The following ESYT2 variants were observed in gnomAD, a reference collection of about 807,000 sequenced individuals.
The protein encoded by ESYT2 is extended synaptotagmin-2.
Under a neutral mutation model 107.2 loss-of-function variants are expected in ESYT2, and 54 were observed. The observed-to-expected ratio is 0.50, with a 90% confidence interval of 0.40 to 0.63. The LOEUF (loss-of-function observed/expected upper bound fraction) is 0.63. Among genes scored for constraint, ESYT2 ranks in the 30% least tolerant of loss-of-function variants. The pLI is 0.00. For missense variants in ESYT2, 1,020 were observed against 1,094.5 expected (o/e 0.93, Z 0.96); for synonymous variants, 491 against 434.1 (o/e 1.13, Z -1.63).
At chr7:158,825,784 A>C (rs1563044735) in intron 1 of ESYT2, among the ~76,000 whole-genome samples, 3 of 152,208 alleles carry the variant, frequency 2.0e-5, no homozygotes, top group Admixed American at 2.0e-4. Context: ...ACACTATGAA[A>C]ACAAGTACAG....
At chr7:158,814,366 G>T (rs1340825316) in intron 1 of ESYT2, among the ~76,000 whole-genome samples, 4 of 128,948 alleles carry the variant, frequency 3.1e-5, no homozygotes, top group East Asian at 2.7e-4. Context: ...TACCTTACTC[G>T]TCCAGATGAC....
Position 158,743,643 on chromosome 7 carries a change from G to A in ESYT2, c.1680C>T (p.Asn560=), listed in dbSNP as rs2305474. 0.09 allele frequency: 144,985 copies of A among 1,606,088 alleles called. 13,330 individuals are homozygous for A. The highest frequency in any genetic ancestry group is 0.52 in the East Asian group (23,046 of 44,470). Residue 560 remains asparagine (N), a synonymous_variant, in exon 17 of 23, where the codon AAC becomes AAT. Transcript: ENST00000275418. ...RDEQHQCSLG[N]LKVPLSQLLT... ...GCAGCTGGCTGAGGGGGACCTTCAG[G>A]TTCCCCAGGGAACACTGGTGCTGCT...
chr7:158,799,439 T>C (rs1839567221), intron 1 of ESYT2, among the ~76,000 whole-genome samples: 1 of 152,218 alleles, frequency 6.6e-6, no homozygotes, highest in South Asian at 2.1e-4. Flanking sequence ...ATTATCATCA[T>C]GTCCTGGCAA....
chr7:158,800,566 T>G (rs2788499), intron 1 of ESYT2, among the ~76,000 whole-genome samples: 1 of 152,122 alleles, frequency 6.6e-6, no homozygotes, highest in African/African-American at 2.4e-5. Flanking sequence ...AATTTTTAAA[T>G]TTTTTTAGAG....
At position 158,793,742 on chromosome 7, in the gene ESYT2, G is replaced by A. The variant is rs2129473426; in HGVS notation, c.508-16C>T. ...TCCTGAGGGGCTGAAATAAGAAGTA[G>A]CTTATTTTAAGATACAGAGGTTAAA... On this transcript the variant is annotated splice_polypyrimidine_tract_variant and intron_variant, in intron 3 of 22. Transcript: ENST00000275418. 6.3e-7 allele frequency: 1 copy of A among 1,599,206 alleles called. No individual in the cohort carries two copies. Among genetic ancestry groups the A allele is most frequent in the East Asian group, 2.2e-5 (1 of 44,794 alleles).
intron 6 of ESYT2, among the ~76,000 whole-genome samples, chr7:158,782,485 G>GTGTAAGAACGAGAACAAGTGAGTGAACGA (rs1563651214): frequency 7.0e-6 from 1 of 142,432 alleles, no homozygotes; most frequent in African/African-American, 2.5e-5. Context: ...AACAGTGAGA[G>GTGTAAGAACGAGAACAAGTGAGTGAACGA]GTGTGTGTGA....
intron 6 of ESYT2, among the ~76,000 whole-genome samples, chr7:158,779,178 A>G (rs1459617645): frequency 6.6e-6 from 1 of 152,242 alleles, no homozygotes; most frequent in Admixed American, 6.5e-5. Context: ...AAAAGATCAA[A>G]GGCATCAAAC....
At position 158,741,930 on chromosome 7, in the gene ESYT2, G is replaced by A. The variant is rs746782740; in HGVS notation, c.1795-34C>T. 3.2e-6 allele frequency: 5 copies of A among 1,539,488 alleles called. No individual in the cohort carries two copies. The South Asian group carries it at 5.1e-5, about 16-fold the overall frequency. ...GGACATAAACATAAAAATTAAACTT[G>A]GTGACACTGGTAACATCCTAATACT... On this transcript the variant is annotated intron_variant, in intron 17 of 22. Coordinates refer to ENST00000275418, the MANE Select transcript of ESYT2 (RefSeq NM_001367773.1).
Position 158,788,170 on chromosome 7 carries a change from G to C in ESYT2, c.658-77C>G, listed in dbSNP as rs142005653. 138 of 1,308,406 alleles carry C rather than the reference G, an allele frequency of 1.1e-4. 1 individual carries two copies. The African/African-American group carries it at 1.8e-3, about 18-fold the overall frequency. 81.0% of individuals were successfully genotyped at this position (1,308,406 alleles called of 1,614,324 possible). ...CGCTTAACGCAAGGAGTTTGCATGC[G>C]AATCTTAGTAACTTTTGAGCATGTG... On this transcript the variant is annotated intron_variant, in intron 5 of 22. Transcript: ENST00000275418.
chr7:158,788,187 G>T, intron 5 of ESYT2, 94 bp from the exon 6 acceptor site: 2 of 1,221,720 alleles, frequency 1.6e-6, no homozygotes, highest in South Asian at 2.5e-5. Context: ...AGTAACTTTT[G>T]AGCATGTGAC....
chr7:158,738,360 C>T (rs1480161167), intron 19 of ESYT2, among the ~76,000 whole-genome samples: 2 of 149,592 alleles, frequency 1.3e-5, no homozygotes, highest in East Asian at 2.0e-4. Flanking sequence ...CACACACACA[C>T]ACACACACAC....
rs1290460606 is a variant in ESYT2 at position 158,782,380 on chromosome 7, A to AGAGAG, written c.747+5623_747+5624insCTCTC. On this transcript the variant is annotated intron_variant, in intron 6 of 22. Transcript: ENST00000275418. ...CGTGAGTGAACGAGTGTGAGAACAA[A>AGAGAG]GTGAGGTAAGAACGAGAACAAGTGA... Among the ~76,000 whole-genome samples, 5 of 19,534 alleles carry AGAGAG rather than the reference A, an allele frequency of 2.6e-4. 2 individuals carry two copies. Among genetic ancestry groups the AGAGAG allele is most frequent in the Non-Finnish European group, 4.5e-4 (4 of 8,854 alleles). 12.8% of individuals were successfully genotyped at this position (19,534 alleles called of 152,430 possible). A position where few individuals can be genotyped will look rare whatever the true frequency, so the allele number is the denominator to read the frequency against.
chr7:158,770,516 TATATA>T (rs1371369470), intron 7 of ESYT2, among the ~76,000 whole-genome samples: 4 of 150,462 alleles, frequency 2.7e-5, no homozygotes, highest in African/African-American at 9.8e-5. Context: ...ATTATATATA[TATATA>T]TTTTTTTTCC....
intron 1 of ESYT2, among the ~76,000 whole-genome samples, chr7:158,814,562 T>C (rs1840099649): frequency 6.6e-6 from 1 of 152,156 alleles, no homozygotes; most frequent in Non-Finnish European, 1.5e-5. Flanking sequence ...TATATCACAG[T>C]CTGGCTGTCA....
intron 1 of ESYT2, among the ~76,000 whole-genome samples, chr7:158,801,360 CTA>C (rs1839639438): frequency 6.6e-6 from 1 of 152,162 alleles, no homozygotes. Flanking sequence ...GGTTTTTCAT[CTA>C]TGAGTGATTA....
chr7:158,763,227 G>GACT, intron 9 of ESYT2, 62 bp from the exon 10 acceptor site: 4 of 1,125,278 alleles, frequency 3.6e-6, no homozygotes, highest in Non-Finnish European at 5.2e-6. Context: ...CACTGAGTAT[G>GACT]ATATGATGAT....
intron 12 of ESYT2, 30 bp downstream of exon 12, chr7:158,760,028 A>C: frequency 1.2e-6 from 2 of 1,605,160 alleles, no homozygotes; most frequent in Non-Finnish European, 1.7e-6. Context: ...TTGGTTAGGT[A>C]GTTTTCAAGA....
intron 1 of ESYT2, among the ~76,000 whole-genome samples, chr7:158,811,954 T>G (rs1472398313): frequency 6.6e-6 from 1 of 152,200 alleles, no homozygotes; most frequent in East Asian, 1.9e-4. Flanking sequence ...AAACAGAGCT[T>G]CTGGCAAGAT....
chr7:158,828,779 C>A (rs1364320628), intron 1 of ESYT2, among the ~76,000 whole-genome samples: 1 of 151,612 alleles, frequency 6.6e-6, no homozygotes. Context: ...GGTCTGCACT[C>A]GCCCTAGCGG....
Sources: gnomAD v4.1 joint callset for allele counts (sites outside exome capture counted in the v4.1 genomes callset) on GRCh38, gnomAD v4.1.1 for gene constraint, MANE v1.5 for transcripts, NCBI Gene and HGNC (gene_info 2026-07-23, HGNC 2026-07-21) for gene names.